FRAS1: variants seen among roughly 807,000 people sequenced by gnomAD.
FRAS1 encodes the protein extracellular matrix organizing protein FRAS1.
A neutral mutation model predicts 435.2 loss-of-function variants in FRAS1; 290 were observed. The ratio of observed to expected loss-of-function variants is 0.67; its 90% CI spans 0.61 to 0.73. FRAS1 has a LOEUF of 0.73. Among genes scored for constraint, FRAS1 ranks in the 30% least tolerant of loss-of-function variants. FRAS1 has a pLI of 0.00. For missense variants in FRAS1, 4,860 were observed against 5,001.5 expected (o/e 0.97, Z 0.85); for synonymous variants, 1,800 against 1,851.0 (o/e 0.97, Z 0.71).
In FRAS1 at chr4:78,379,978, A is replaced by C. The variant is rs774933995; in HGVS notation, c.3545A>C (p.His1182Pro). 6.2e-7 allele frequency: 1 copy of C among 1,612,382 alleles called. No individual in the cohort carries two copies. Among genetic ancestry groups the C allele is most frequent in the African/African-American group, 1.3e-5 (1 of 74,772 alleles). ...DVNEKKVRFV[H>P]SKEKLRKGYL... ...AACGAGAAGAAAGTGCGTTTTGTGC[A>C]CAGCAAAGAAAAACTCAGGTGACTC... is the stretch of plus-strand genomic sequence containing the variant. The change falls in exon 27 of 74, where the codon CAC (histidine) becomes CCC (proline). Residue 1182 changes from histidine to proline, a missense_variant. Physicochemically the swap from His to Pro is moderately conservative, Grantham distance 77. Transcript: ENST00000512123.
At chr4:78,304,439 G>T (rs566840087) in intron 14 of FRAS1, among the ~76,000 whole-genome samples, 2 of 152,036 alleles carry the variant, frequency 1.3e-5, no homozygotes, top group Non-Finnish European at 2.9e-5. Context: ...TGGTACCAAT[G>T]GTACCAGTTC....
intron 2 of FRAS1, among the ~76,000 whole-genome samples, chr4:78,151,968 G>A (rs1720682515): frequency 6.6e-6 from 1 of 152,150 alleles, no homozygotes; most frequent in South Asian, 2.1e-4. Flanking sequence ...GGCAGTGCGT[G>A]CCTTTGCTTT....
At chr4:78,522,875 G>A (rs1496598) in intron 69 of FRAS1, 67 bp downstream of exon 69, 746,141 of 1,370,146 alleles carry the variant, frequency 0.54, 204,171 homozygotes, top group Middle Eastern at 0.61. Flanking sequence ...CAGGAGCTTG[G>A]GAAATAGTGC....
At chr4:78,104,781 G>A (rs1418117532) in intron 2 of FRAS1, among the ~76,000 whole-genome samples, 1 of 152,154 alleles carries the variant, frequency 6.6e-6, no homozygotes, top group Admixed American at 6.5e-5. Context: ...GGAGAAGGCA[G>A]ATACTTAATA....
intron 18 of FRAS1, among the ~76,000 whole-genome samples, chr4:78,329,556 A>T (rs13103319): frequency 0.57 from 86,753 of 152,142 alleles, 26,789 homozygotes; most frequent in Non-Finnish European, 0.7. Context: ...TCAACAAGGC[A>T]TCGATCAGAA....
chr4:78,469,971 C>G lies in FRAS1; in HGVS notation c.7258-7C>G. 6.2e-7 allele frequency: 1 copy of G among 1,605,348 alleles called. No homozygotes were observed. The highest frequency in any genetic ancestry group is 8.5e-7 in the Non-Finnish European group (1 of 1,172,648). On this transcript the variant is annotated splice_polypyrimidine_tract_variant and splice_region_variant and intron_variant, in intron 50 of 73. Transcript: ENST00000512123. ...TGATGAGTTTTCTTTTCTGCCCTCC[C>G]CTTCAGATTATGACAGCAGCACCTC...
chr4:78,408,717 C>T (rs915606451), intron 31 of FRAS1, among the ~76,000 whole-genome samples: 2 of 152,078 alleles, frequency 1.3e-5, no homozygotes, highest in Non-Finnish European at 2.9e-5. Flanking sequence ...TAGAGTACTT[C>T]GAATACTGCA....
At chr4:78,464,191 G>C in intron 48 of FRAS1, 46 bp downstream of exon 48, 1 of 1,575,782 alleles carries the variant, frequency 6.3e-7, no homozygotes, top group Non-Finnish European at 8.6e-7. Flanking sequence ...TTGATTCCTC[G>C]CCATCTTCTT....
chr4:78,210,785 T>C (rs1483435528), intron 2 of FRAS1, among the ~76,000 whole-genome samples: 2 of 152,116 alleles, frequency 1.3e-5, no homozygotes, highest in African/African-American at 4.8e-5. Flanking sequence ...AGCAGGGGAA[T>C]TGTAGGTGTT....
chr4:78,104,512 A>G (rs1277829204), intron 2 of FRAS1, among the ~76,000 whole-genome samples: 1 of 152,214 alleles, frequency 6.6e-6, no homozygotes, highest in Non-Finnish European at 1.5e-5. Flanking sequence ...CATTTGAATA[A>G]ATAGGTCTGA....
intron 51 of FRAS1, among the ~76,000 whole-genome samples, chr4:78,470,470 TC>T (rs1442894012): frequency 6.6e-6 from 1 of 152,174 alleles, no homozygotes; most frequent in Non-Finnish European, 1.5e-5. Context: ...TGCTATTGAC[TC>T]CTGGCCAAAC....
At position 78,450,225 on chromosome 4, in the gene FRAS1, A is replaced by T. The variant is rs979016739; in HGVS notation, c.6349A>T (p.Ile2117Phe). The change falls in exon 45 of 74, where the codon ATC (isoleucine) becomes TTC (phenylalanine). Residue 2117 changes from isoleucine to phenylalanine, a missense_variant. Physicochemically the swap from Ile to Phe is conservative, Grantham distance 21. Transcript: ENST00000512123. The part of the protein sequence containing the change: ...IDSDDHQVMY[I>F]MKEDPGAGRL... ...CTCAGATGACCATCAGGTTATGTAC[A>T]TCATGAAGGAAGATCCTGGTGCAGG... 8 of 1,613,830 alleles carry T rather than the reference A, an allele frequency of 5.0e-6. No individual in the cohort carries two copies. Among genetic ancestry groups the T allele is most frequent in the Non-Finnish European group, 5.9e-6 (7 of 1,179,768 alleles).
rs116539164 is a variant in FRAS1 at position 78,196,919 on chromosome 4, G to T, written c.109-40591G>T. ...TGTTTATAGAACTTTTGAAACTGAA[G>T]TTGAGAATGAGCAAAAATTGGTTGC... On this transcript the variant is annotated intron_variant, in intron 2 of 73. Transcript: ENST00000512123. Among the ~76,000 whole-genome samples, 1,328 of 152,226 alleles carry T rather than the reference G, an allele frequency of 8.7e-3. 16 individuals carry two copies. Among genetic ancestry groups the T allele is most frequent in the African/African-American group, 0.03 (1,228 of 41,520 alleles).
chr4:78,403,262 G>T (rs374727670), intron 30 of FRAS1, among the ~76,000 whole-genome samples: 1 of 151,898 alleles, frequency 6.6e-6, no homozygotes, highest in African/African-American at 2.4e-5. Context: ...ACAAAACAAC[G>T]CTGAATTAAA....
At chr4:78,242,346 C>A (rs1446502079) in intron 3 of FRAS1, among the ~76,000 whole-genome samples, 1 of 152,190 alleles carries the variant, frequency 6.6e-6, no homozygotes, top group Non-Finnish European at 1.5e-5. Flanking sequence ...TCTGGGCTTT[C>A]AACAGCATGT....
chr4:78,154,814 G>A (rs2110016143), intron 2 of FRAS1, among the ~76,000 whole-genome samples: 1 of 152,298 alleles, frequency 6.6e-6, no homozygotes, highest in Middle Eastern at 3.4e-3. Flanking sequence ...AGTATGCGCA[G>A]TTCCATGTAC....
chr4:78,498,748 A>T (rs985765960), intron 60 of FRAS1, among the ~76,000 whole-genome samples: 3 of 152,064 alleles, frequency 2.0e-5, no homozygotes, highest in African/African-American at 7.2e-5. Context: ...CCATCTTTTT[A>T]TCTCACTCTC....
In FRAS1 at chr4:78,136,323, G is replaced by C. The variant is rs528247358; in HGVS notation, c.108+70307G>C. Among the ~76,000 whole-genome samples, 6 of 152,316 alleles carry C rather than the reference G, an allele frequency of 3.9e-5. No individual in the cohort carries two copies. In the South Asian group the frequency reaches 1.2e-3, roughly 32 times the overall value. ...CTTGTTTGACCTCTGCTGGGAATGT[G>C]TGCATTTGGGTGACTCAACGATTTT... On this transcript the variant is annotated intron_variant, in intron 2 of 73. Coordinates refer to ENST00000512123, the MANE Select transcript of FRAS1 (RefSeq NM_025074.7).
At chr4:78,316,316 ACTT>A (rs1400750575) in intron 16 of FRAS1, among the ~76,000 whole-genome samples, 1 of 152,196 alleles carries the variant, frequency 6.6e-6, no homozygotes. Flanking sequence ...AACTCTGAGA[ACTT>A]CTTGTTGCCT....
Sources: gnomAD v4.1 joint callset for allele counts (sites outside exome capture counted in the v4.1 genomes callset) on GRCh38, gnomAD v4.1.1 for gene constraint, MANE v1.5 for transcripts, NCBI Gene and HGNC (gene_info 2026-07-23, HGNC 2026-07-21) for gene names.